The following IL19 variants were observed in gnomAD, a reference collection of about 807,000 sequenced individuals.
The protein encoded by IL19 is interleukin-19.
IL19 carries 15 observed loss-of-function variants against 19.5 expected under a neutral mutation model. The observed-to-expected ratio is 0.77, with a 90% CI of 0.52 to 1.19. The LOEUF (loss-of-function observed/expected upper bound fraction) is 1.19, where lower values mean the gene tolerates loss of function less well. Among genes scored for constraint, IL19 ranks in the 50% most tolerant of loss-of-function variants. The pLI is 0.00. For synonymous variants in IL19, 78 were observed against 78.3 expected, an observed-to-expected ratio of 1.00 and a Z score of 0.02; for missense variants, 199 against 213.1, an observed-to-expected ratio of 0.93 and a Z score of 0.41.
rs997523526 is a variant in IL19, at chr1:206,773,560, G to A, written c.-149+2482G>A. On this transcript the variant is annotated intron_variant, in intron 1 of 6. Transcript: ENST00000659997. ...CCTATCCCTACTTCCCCTTCCCAAA[G>A]AAGCCTTAGTAGTGTTGTCTTGGAT... Among the ~76,000 whole-genome samples the A allele has an allele frequency of 8.0e-5, 12 of 150,510 alleles. No individual in the cohort carries two copies. In the East Asian group the frequency reaches 1.8e-3, roughly 22 times the overall value.
At chr1:206,836,321 T>C (rs948608116) in intron 2 of IL19, among the ~76,000 whole-genome samples, 5 of 152,138 alleles carry the variant, frequency 3.3e-5, no homozygotes, top group African/African-American at 1.2e-4. Context: ...TTAAAAACAA[T>C]GCTTTTCACC....
At position 206,777,188 on chromosome 1, in the gene IL19, G is replaced by A. The variant is rs574008773; in HGVS notation, c.-149+6110G>A. Among the ~76,000 whole-genome samples the A allele has an allele frequency of 1.2e-4, 16 of 132,966 alleles. No homozygotes were observed. In the East Asian group the frequency reaches 3.5e-3, roughly 29 times the overall value. The allele number at this position is 132,966 out of a possible 152,430, so 87.2% of individuals were successfully genotyped here. A position where few individuals can be genotyped will look rare whatever the true frequency, so the allele number is the denominator to read the frequency against. On this transcript the variant is annotated intron_variant, in intron 1 of 6. Coordinates refer to ENST00000659997, the MANE Select transcript of IL19 (RefSeq NM_153758.5). ...GGAGCTTGCAGTGAGCCGAGATCGC[G>A]TCACTGCACTCCAGCCTGGGCGACA...
intron 1 of IL19, among the ~76,000 whole-genome samples, chr1:206,774,005 T>C (rs1461831761): frequency 6.6e-6 from 1 of 152,218 alleles, no homozygotes; most frequent in Non-Finnish European, 1.5e-5. Context: ...GCATTTCCAG[T>C]GTTCTGCTAG....
intron 2 of IL19, among the ~76,000 whole-genome samples, chr1:206,806,763 A>G (rs1675857016): frequency 6.6e-6 from 1 of 152,170 alleles, no homozygotes; most frequent in South Asian, 2.1e-4. Context: ...GTCCAAGTCA[A>G]TATCATATTT....
intron 2 of IL19, among the ~76,000 whole-genome samples, chr1:206,815,219 TGA>T (rs1412309865): frequency 2.0e-5 from 3 of 152,280 alleles, no homozygotes; most frequent in Admixed American, 2.0e-4. Context: ...ACAAACAGCC[TGA>T]GAGAGAAAAT....
intron 1 of IL19, among the ~76,000 whole-genome samples, chr1:206,782,269 C>T (rs1387022033): frequency 1.3e-5 from 2 of 152,030 alleles, no homozygotes; most frequent in Non-Finnish European, 2.9e-5. Flanking sequence ...ATTTTTAACT[C>T]TCTGGCTTGA....
At chr1:206,808,937 C>T (rs1675929251) in intron 2 of IL19, among the ~76,000 whole-genome samples, 2 of 152,126 alleles carry the variant, frequency 1.3e-5, no homozygotes, top group African/African-American at 4.8e-5. Context: ...GAAGAGGGTG[C>T]ATGAGGATTC....
At chr1:206,782,785 G>A (rs1350396642) in intron 1 of IL19, among the ~76,000 whole-genome samples, 1 of 152,144 alleles carries the variant, frequency 6.6e-6, no homozygotes. Context: ...TGGTCAAGGG[G>A]CACAGAGCTG....
At chr1:206,773,030 C>T (rs940422350) in intron 1 of IL19, among the ~76,000 whole-genome samples, 2 of 152,188 alleles carry the variant, frequency 1.3e-5, no homozygotes, top group Admixed American at 6.5e-5. Context: ...GCAGCCCTTC[C>T]ATTTTACTTT....
intron 1 of IL19, among the ~76,000 whole-genome samples, chr1:206,793,760 C>G (rs1466718518): frequency 6.6e-6 from 1 of 152,244 alleles, no homozygotes; most frequent in African/African-American, 2.4e-5. Context: ...TCTAACGCCA[C>G]TCGATTAGTC....
chr1:206,796,191 A>C (rs1675519267), intron 1 of IL19, among the ~76,000 whole-genome samples: 1 of 152,082 alleles, frequency 6.6e-6, no homozygotes, highest in Non-Finnish European at 1.5e-5. Flanking sequence ...GAAAAGGGGA[A>C]TTCTCCTTTC....
chr1:206,808,189 G>T (rs1036325734), intron 2 of IL19, among the ~76,000 whole-genome samples: 2 of 152,206 alleles, frequency 1.3e-5, no homozygotes, highest in African/African-American at 4.8e-5. Flanking sequence ...AAATTAGCCA[G>T]GTGTGGTGAT....
At chr1:206,815,916 T>A (rs1676143491) in intron 2 of IL19, among the ~76,000 whole-genome samples, 1 of 152,218 alleles carries the variant, frequency 6.6e-6, no homozygotes, top group Non-Finnish European at 1.5e-5. Flanking sequence ...TAACATTGTT[T>A]CCTTCGACAT....
At chr1:206,833,721 T>TTC in intron 2 of IL19, 1 of 985,406 alleles carries the variant, frequency 1.0e-6, no homozygotes, top group South Asian at 4.7e-5. Flanking sequence ...CAGTCTCATT[T>TTC]TCTCTCTCTC....
intron 1 of IL19, among the ~76,000 whole-genome samples, chr1:206,788,066 G>A (rs896339174): frequency 6.6e-6 from 1 of 152,196 alleles, no homozygotes; most frequent in Non-Finnish European, 1.5e-5. Context: ...CATGGTTGGG[G>A]AAACACACTG....
At chr1:206,799,080 A>G in intron 2 of IL19, 74 bp downstream of exon 2, 1 of 981,820 alleles carries the variant, frequency 1.0e-6, no homozygotes, top group African/African-American at 1.6e-5. Context: ...GTTTATTTCA[A>G]GACTCTGGAA....
intron 6 of IL19, among the ~76,000 whole-genome samples, chr1:206,841,467 T>C (rs151074908): frequency 8.4e-4 from 128 of 152,348 alleles, no homozygotes; most frequent in Non-Finnish European, 1.3e-3. Context: ...CCATATTGTG[T>C]GTAGTGATGA....
intron 2 of IL19, among the ~76,000 whole-genome samples, chr1:206,820,844 C>G (rs1229420631): frequency 6.6e-6 from 1 of 152,176 alleles, no homozygotes; most frequent in East Asian, 1.9e-4. Context: ...CCATATTGAC[C>G]AACATGTGTT....
At chr1:206,824,261 G>T (rs1676373377) in intron 2 of IL19, among the ~76,000 whole-genome samples, 1 of 152,088 alleles carries the variant, frequency 6.6e-6, no homozygotes, top group South Asian at 2.1e-4. Context: ...CAATCATTGA[G>T]CCTTAGCCTT....
Sources: gnomAD v4.1 joint callset for allele counts (sites outside exome capture counted in the v4.1 genomes callset) on GRCh38, gnomAD v4.1.1 for gene constraint, MANE v1.5 for transcripts, NCBI Gene and HGNC (gene_info 2026-07-23, HGNC 2026-07-21) for gene names.